Variants in HSD3B7 observed in about 807,000 individuals in gnomAD.
HSD3B7 encodes 3 beta-hydroxysteroid dehydrogenase type 7.
Under a neutral mutation model 34.3 loss-of-function variants are expected in HSD3B7, and 35 were observed. The ratio of observed to expected loss-of-function variants is 1.02; its 90% CI spans 0.78 to 1.35. The LOEUF (loss-of-function observed/expected upper bound fraction) is 1.35, where lower values mean the gene tolerates loss of function less well. Among genes scored for constraint, HSD3B7 ranks in the 40% most tolerant of loss-of-function variants. The pLI is 0.00. For synonymous variants in HSD3B7, 217 were observed against 220.1 expected, an observed-to-expected ratio of 0.99 and a Z score of 0.13; for missense variants, 426 against 504.7, an observed-to-expected ratio of 0.84 and a Z score of 1.49.
chr16:30,987,614 CAGGGCG>C (rs2056502607), intron 6 of HSD3B7, 148 bp from the exon 7 acceptor site: 2 of 829,580 alleles, frequency 2.4e-6, no homozygotes, highest in Non-Finnish European at 4.0e-6. Context: ...AAGTGACTAC[CAGGGCG>C]AGGGAGAAGG....
intron 6 of HSD3B7, 71 bp downstream of exon 6, chr16:30,987,073 C>G: frequency 6.7e-7 from 1 of 1,501,474 alleles, no homozygotes. Context: ...GGGGCAGGAC[C>G]CACATGGCCC....
Position 30,988,717 on chromosome 16 carries a change from G to C in HSD3B7, c.*534G>C, listed in dbSNP as rs570630447. 6.4e-6 allele frequency: 1 copy of C among 156,038 alleles called. No homozygotes were observed. The highest frequency in any genetic ancestry group is 6.2e-5 in the Admixed American group (1 of 16,260). The allele number at this position is 156,038 out of a possible 1,614,324, so 9.7% of individuals were successfully genotyped here. A position where few individuals can be genotyped will look rare whatever the true frequency, so the allele number is the denominator to read the frequency against. On this transcript the variant is annotated 3_prime_UTR_variant, in exon 7 of 7. Coordinates refer to ENST00000297679, the MANE Select transcript of HSD3B7 (RefSeq NM_025193.4). ...GTTCTAGGGCCGTCAGGACACGGGA[G>C]GGTTTGGGGACAGAGTGTCCTTCCT...
At chr16:30,985,873 A>G (rs1276691481) in intron 2 of HSD3B7, 49 bp downstream of exon 2, 4 of 1,583,500 alleles carry the variant, frequency 2.5e-6, no homozygotes, top group Non-Finnish European at 3.4e-6. Flanking sequence ...CGCTTCCCCA[A>G]CCCTTCCCAA....
In HSD3B7 at chr16:30,985,715, C is replaced by G. The variant is rs766860286; in HGVS notation, c.57C>G (p.Gly19=). The G allele has an allele frequency of 6.2e-7, 1 of 1,608,866 alleles. No homozygotes were observed. The highest frequency in any genetic ancestry group is 8.5e-7 in the Non-Finnish European group (1 of 1,179,264). Residue 19 remains glycine (G), a synonymous_variant, in exon 2 of 7, where the codon GGC becomes GGG. Transcript: ENST00000297679. ...TGTACCTGGTCACAGGGGGCTGTGGCTTCCTGGGAGAGCACGTGGTGCGAA... is the reference window on the plus strand; with the variant it reads ...TGTACCTGGTCACAGGGGGCTGTGGGTTCCTGGGAGAGCACGTGGTGCGAA... ...KLVYLVTGGC[G]FLGEHVVRML... is the part of the protein sequence containing the mutation.
intron 3 of HSD3B7, 27 bp downstream of exon 3, chr16:30,986,231 A>T (rs1250417011): frequency 1.2e-6 from 2 of 1,610,456 alleles, no homozygotes; most frequent in Non-Finnish European, 1.7e-6. Flanking sequence ...ACTCCTGGCC[A>T]TCTTGCCTGT....
At chr16:30,985,601 G>A (rs1196457733) in intron 1 of HSD3B7, 52 bp from the exon 2 acceptor site, 1 of 1,556,010 alleles carries the variant, frequency 6.4e-7, no homozygotes, top group Non-Finnish European at 8.6e-7. Flanking sequence ...AGTAACAGGT[G>A]GTTGCAGCAG....
chr16:30,986,451 G>A lies in HSD3B7; in HGVS notation c.351G>A (p.Val117=), dbSNP rs747088242. The A allele has an allele frequency of 1.5e-5, 24 of 1,614,120 alleles. No individual in the cohort carries two copies. The highest frequency in any genetic ancestry group is 5.0e-5 in the Admixed American group (3 of 60,034). Residue 117 remains valine, a synonymous_variant, in exon 4 of 7, where the codon GTG becomes GTA. Transcript: ENST00000297679. ...QGTRNVIEAC[V]QTGTRFLVYT... ...CCCGGAACGTGATCGAGGCTTGTGT[G>A]CAGACCGGAACACGGTTCCTGGTCT...
chr16:30,988,249 T>C lies in HSD3B7; in HGVS notation c.*66T>C. 2 of 1,473,026 alleles carry C rather than the reference T, an allele frequency of 1.4e-6. No homozygotes were observed. The highest frequency in any genetic ancestry group is 2.5e-5 in the East Asian group (1 of 40,578). The allele number at this position is 1,473,026 out of a possible 1,614,324, so 91.2% of individuals were successfully genotyped here. ...ACCCAGGTCCCGAGCCCTCACACCCTGGACGGGAAGGGACAGCTGCATTCC... is the reference window on the plus strand; with the variant it reads ...ACCCAGGTCCCGAGCCCTCACACCCCGGACGGGAAGGGACAGCTGCATTCC... On this transcript the variant is annotated 3_prime_UTR_variant, in exon 7 of 7. Coordinates refer to ENST00000297679, the MANE Select transcript of HSD3B7 (RefSeq NM_025193.4).
chr16:30,988,019 G>A lies in HSD3B7; in HGVS notation c.946G>A (p.Ala316Thr), dbSNP rs1447301778. The A allele has an allele frequency of 6.2e-6, 10 of 1,608,160 alleles. No individual in the cohort carries two copies. Among genetic ancestry groups the A allele is most frequent in the African/African-American group, 2.7e-5 (2 of 74,926 alleles). ...QWLLRPLVLY[A>T]PLLNPYTLAV... is the part of the protein sequence containing the mutation. Reference sequence around the variant, plus strand: ...GCTGCTGCGGCCACTGGTGCTCTACGCACCCCTGCTGAACCCCTACACGCT... The same window carrying A: ...GCTGCTGCGGCCACTGGTGCTCTACACACCCCTGCTGAACCCCTACACGCT... Residue 316 changes from alanine (A) to threonine (T), a missense_variant, in exon 7 of 7, where the codon GCA (alanine) becomes ACA (threonine). Transcript: ENST00000297679.
chr16:30,986,337 A>T, intron 3 of HSD3B7, 86 bp from the exon 4 acceptor site: 1 of 1,564,950 alleles, frequency 6.4e-7, no homozygotes, highest in South Asian at 1.1e-5. Flanking sequence ...CTGACCTGTC[A>T]TGGTTTTCCC....
chr16:30,987,549 G>C, intron 6 of HSD3B7: 1 of 614,452 alleles, frequency 1.6e-6, no homozygotes, highest in East Asian at 2.8e-5. Context: ...CGCAGGTCCT[G>C]GTTTCTCTAT....
At position 30,985,841 on chromosome 16, in the gene HSD3B7, C is replaced by T. The variant is rs1420416682; in HGVS notation, c.166+17C>T. 1.9e-6 allele frequency: 3 copies of T among 1,594,844 alleles called. No individual in the cohort carries two copies. The highest frequency in any genetic ancestry group is 1.3e-5 in the African/African-American group (1 of 74,798). Reference sequence around the variant, plus strand: ...TGAAGACAGGTTCTTGTTGGGGGAGCTTGTGGTGGAGAGGGTGTGGACGCT... The same window carrying T: ...TGAAGACAGGTTCTTGTTGGGGGAGTTTGTGGTGGAGAGGGTGTGGACGCT... On this transcript the variant is annotated intron_variant, in intron 2 of 6. Coordinates refer to ENST00000297679, the MANE Select transcript of HSD3B7 (RefSeq NM_025193.4).
rs779021008 is a variant in HSD3B7 at position 30,988,091 on chromosome 16, C to T, written c.1018C>T (p.Arg340Cys). ...CACCGTCAGCACCGACAAGGCTCAG[C>T]GCCATTTCGGCTATGAGCCCCTGTT... ...TFTVSTDKAQ[R>C]HFGYEPLFSW... The change falls in exon 7 of 7, where the codon CGC (arginine) becomes TGC (cysteine). Residue 340 changes from arginine (R) to cysteine (C), a missense_variant. Arg to Cys is a radical substitution (Grantham distance 180). Transcript: ENST00000297679. 3.1e-6 allele frequency: 5 copies of T among 1,605,998 alleles called. No individual in the cohort carries two copies. The highest frequency in any genetic ancestry group is 2.2e-5 in the East Asian group (1 of 44,830).
chr16:30,985,915 T>A, intron 2 of HSD3B7, 91 bp downstream of exon 2: 14 of 1,581,880 alleles, frequency 8.9e-6, no homozygotes, highest in Non-Finnish European at 1.2e-5. Flanking sequence ...GTGGAACAGA[T>A]GATGCTGGTT....
rs2056458926 is a variant in HSD3B7, at chr16:30,985,642, C to T, written c.-6-11C>T. On this transcript the variant is annotated splice_polypyrimidine_tract_variant and intron_variant, in intron 1 of 6. Transcript: ENST00000297679. ...AGCCAGCCCCTGGATGAGCCAAGGTCTCTTCCCCAGCCAGGCATGGCCGAC... is the reference window on the plus strand; with the variant it reads ...AGCCAGCCCCTGGATGAGCCAAGGTTTCTTCCCCAGCCAGGCATGGCCGAC... 1 of 1,596,432 alleles carries T rather than the reference C, an allele frequency of 6.3e-7. No homozygotes were observed. Among genetic ancestry groups the T allele is most frequent in the East Asian group, 2.2e-5 (1 of 44,726 alleles).
rs751881383 is a variant in HSD3B7 at position 30,985,718 on chromosome 16, C to T, written c.60C>T (p.Phe20=). The change falls in exon 2 of 7, where the codon TTC becomes TTT. Residue 20 remains phenylalanine, a synonymous_variant. Transcript: ENST00000297679. ...LVYLVTGGCG[F]LGEHVVRMLL... ...ACCTGGTCACAGGGGGCTGTGGCTTCCTGGGAGAGCACGTGGTGCGAATGC... is the reference window on the plus strand; with the variant it reads ...ACCTGGTCACAGGGGGCTGTGGCTTTCTGGGAGAGCACGTGGTGCGAATGC... The T allele has an allele frequency of 6.2e-7, 1 of 1,608,750 alleles. No homozygotes were observed. Among genetic ancestry groups the T allele is most frequent in the Non-Finnish European group, 8.5e-7 (1 of 1,179,218 alleles).
chr16:30,985,960 G>C (rs761928008), intron 2 of HSD3B7, 89 bp from the exon 3 acceptor site: 2 of 1,569,578 alleles, frequency 1.3e-6, no homozygotes, highest in Admixed American at 3.4e-5. Context: ...GAGTCACATT[G>C]GGAACGTGAC....
chr16:30,986,772 C>G, intron 5 of HSD3B7, 68 bp downstream of exon 5: 1 of 1,612,280 alleles, frequency 6.2e-7, no homozygotes, highest in Non-Finnish European at 8.5e-7. Context: ...CCTGCCAGCC[C>G]AAGGAGGCCG....
At position 30,988,155 on chromosome 16, in the gene HSD3B7, T is replaced by C; in HGVS notation, c.1082T>C (p.Val361Ala). Residue 361 changes from valine to alanine, a missense_variant, in exon 7 of 7, where the codon GTA (valine) becomes GCA (alanine). By Grantham distance (64) the Val-to-Ala change is moderately conservative. Transcript: ENST00000297679. ...EDSRTRTILW[V>A]QAATGSAQ The stretch of plus-strand genomic sequence containing the variant: ...AGCCGGACCCGTACCATTCTCTGGG[T>C]ACAGGCCGCTACGGGTTCAGCCCAG... 1 of 1,603,998 alleles carries C rather than the reference T, an allele frequency of 6.2e-7. No individual in the cohort carries two copies. Among genetic ancestry groups the C allele is most frequent in the Non-Finnish European group, 8.5e-7 (1 of 1,178,530 alleles).
Sources: gnomAD v4.1 joint callset for allele counts on GRCh38, gnomAD v4.1.1 for gene constraint, MANE v1.5 for transcripts, NCBI Gene and HGNC (gene_info 2026-07-23, HGNC 2026-07-21) for gene names.